BCL11A: variants seen among roughly 807,000 people sequenced by gnomAD.
The protein encoded by BCL11A is BCL11 transcription factor A.
Under a neutral mutation model 55.9 loss-of-function variants are expected in BCL11A, and 2 were observed. The ratio of observed to expected loss-of-function variants is 0.04; its 90% CI spans 0.01 to 0.11. The LOEUF is 0.11. Among genes scored for constraint, BCL11A ranks in the 10% least tolerant of loss-of-function variants. The pLI, the probability that BCL11A is intolerant of heterozygous loss-of-function variation, is 1.00. For synonymous variants in BCL11A, 465 were observed against 473.4 expected (o/e 0.98, Z 0.23); for missense variants, 817 against 1,137.1 (o/e 0.72, Z 4.05).
chr2:60,471,097 G>A (rs1336207941), intron 2 of BCL11A, among the ~76,000 whole-genome samples: 5 of 152,186 alleles, frequency 3.3e-5, no homozygotes, highest in East Asian at 1.9e-4. Context: ...CGTCTTGGGG[G>A]AGGGTCCAGC....
intron 2 of BCL11A, among the ~76,000 whole-genome samples, chr2:60,508,384 A>G (rs1420987020): frequency 1.3e-5 from 2 of 152,178 alleles, no homozygotes; most frequent in African/African-American, 2.4e-5. Flanking sequence ...CACAGGAGCA[A>G]GCACTGCAGC....
intron 2 of BCL11A, among the ~76,000 whole-genome samples, chr2:60,482,887 G>A (rs1678042216): frequency 6.6e-6 from 1 of 152,224 alleles, no homozygotes; most frequent in Non-Finnish European, 1.5e-5. Flanking sequence ...AGCAATAATT[G>A]ATAGCAGAGT....
intron 2 of BCL11A, chr2:60,525,790 G>A (rs1217273918): frequency 6.6e-6 from 1 of 152,208 alleles, no homozygotes; most frequent in East Asian, 1.9e-4. Flanking sequence ...AAAAGTCAAA[G>A]TTTGGTTCTG....
At chr2:60,453,706 G>A (rs749509347), downstream of BCL11A, among the ~76,000 whole-genome samples, 7 of 152,182 alleles carry the variant, frequency 4.6e-5, no homozygotes, top group Non-Finnish European at 8.8e-5. Context: ...AATAGACAAA[G>A]TATATCATGG....
At chr2:60,480,114 C>T (rs1430467083) in intron 2 of BCL11A, among the ~76,000 whole-genome samples, 1 of 152,160 alleles carries the variant, frequency 6.6e-6, no homozygotes, top group African/African-American at 2.4e-5. Flanking sequence ...GACTGCCCCA[C>T]TCTGCACCAA....
At chr2:60,518,661 A>G (rs1668841602) in intron 2 of BCL11A, among the ~76,000 whole-genome samples, 1 of 152,222 alleles carries the variant, frequency 6.6e-6, no homozygotes, top group East Asian at 1.9e-4. Flanking sequence ...AACCCAGCAG[A>G]GAACGTTGAG....
chr2:60,508,131 G>C (rs2104460627), intron 2 of BCL11A, among the ~76,000 whole-genome samples: 1 of 152,228 alleles, frequency 6.6e-6, no homozygotes, highest in East Asian at 1.9e-4. Flanking sequence ...AAAAGTAGTT[G>C]AGCAACAGCT....
intron 2 of BCL11A, chr2:60,524,523 A>G (rs1356590057): frequency 6.6e-6 from 1 of 151,334 alleles, no homozygotes; most frequent in Non-Finnish European, 1.5e-5. Flanking sequence ...TACCAGAGAT[A>G]GAAGAGCATG....
intron 2 of BCL11A, among the ~76,000 whole-genome samples, chr2:60,482,438 G>A (rs1678016212): frequency 6.6e-6 from 1 of 152,144 alleles, no homozygotes; most frequent in South Asian, 2.1e-4. Context: ...TTAGTTCCTG[G>A]GCACCAGGCA....
intron 2 of BCL11A, chr2:60,533,059 A>G (rs1669528229): frequency 6.6e-6 from 1 of 152,238 alleles, no homozygotes; most frequent in African/African-American, 2.4e-5. Flanking sequence ...ACTCCATATA[A>G]GCAGAAGTTT....
At chr2:60,542,953 C>G (rs568391580) in intron 2 of BCL11A, 1 of 149,928 alleles carries the variant, frequency 6.7e-6, no homozygotes. Flanking sequence ...TCGCTTGAAC[C>G]TAGGAGGCAG....
chr2:60,551,445 A>T (rs1334582625), intron 1 of BCL11A, among the ~76,000 whole-genome samples: 2 of 152,148 alleles, frequency 1.3e-5, no homozygotes, highest in East Asian at 3.9e-4. Context: ...CACCTGGCCT[A>T]GTCGTGCTCG....
chr2:60,455,707 A>C (rs1572941927), downstream of BCL11A, among the ~76,000 whole-genome samples: 1 of 152,240 alleles, frequency 6.6e-6, no homozygotes. Flanking sequence ...TGAGAAATTA[A>C]AATGAATACT....
intron 2 of BCL11A, among the ~76,000 whole-genome samples, chr2:60,531,307 A>G (rs1283697414): frequency 6.6e-6 from 1 of 152,204 alleles, no homozygotes; most frequent in Non-Finnish European, 1.5e-5. Context: ...ACACTAAACC[A>G]GAAAATAAAT....
rs756699731 is a variant in BCL11A, at chr2:60,553,482, CAAAAAAAAAAAA to C, written c.-224_-213del. The C allele has an allele frequency of 1.0e-3, 36 of 35,184 alleles. No individual in the cohort carries two copies. The South Asian group carries it at 0.011, about 11-fold the overall frequency. The allele number at this position is 35,184 out of a possible 1,614,324, so 2.2% of individuals were successfully genotyped here. The stretch of plus-strand genomic sequence containing the variant: ...AGAGCCGTCATGGCTTTTTTTTAAG[CAAAAAAAAAAAA>C]AAAAAAAAAAAAAAAAAGAGGGAGA... On this transcript the variant is annotated 5_prime_UTR_variant, in exon 1 of 4. Coordinates refer to ENST00000642384, the MANE Select transcript of BCL11A (RefSeq NM_022893.4).
In BCL11A at chr2:60,460,689, G is replaced by T. The variant is rs1191883781; in HGVS notation, c.2223C>A (p.Ser741Arg). The T allele has an allele frequency of 6.2e-7, 1 of 1,614,180 alleles. No homozygotes were observed. Residue 741 changes from serine (S) to arginine (R), a missense_variant, in exon 4 of 4, where the codon AGC becomes AGA. This residue lies in a region of BCL11A where 379 missense variants were observed against 425.3 expected (regional missense o/e 0.89). Transcript: ENST00000642384. ...CTTTCCCACAGTACTCACAAGTGTC[G>T]CTGCGTCTGCCCTCTTTTGAGCTGG... ...GRPSSKEGRR[S>R]DTCEYCGKVF...
At chr2:60,531,907 C>T in intron 2 of BCL11A, among the ~76,000 whole-genome samples, 1 of 152,130 alleles carries the variant, frequency 6.6e-6, no homozygotes, top group East Asian at 1.9e-4. Context: ...GGAAATAAGC[C>T]CACCTAAATG....
chr2:60,540,690 G>T (rs189788493), intron 2 of BCL11A, among the ~76,000 whole-genome samples: 42 of 152,192 alleles, frequency 2.8e-4, no homozygotes, highest in Admixed American at 5.9e-4. Context: ...TGAAATTAAT[G>T]ATTTTCCAGG....
intron 2 of BCL11A, among the ~76,000 whole-genome samples, chr2:60,494,921 G>A (rs375742371): frequency 2.0e-5 from 3 of 152,170 alleles, no homozygotes; most frequent in African/African-American, 7.2e-5. Context: ...GGGGAGGCAA[G>A]TCAGTTGGGA....
Sources: gnomAD v4.1 joint callset for allele counts (sites outside exome capture counted in the v4.1 genomes callset) on GRCh38, gnomAD v4.1.1 for gene constraint, gnomAD v4.1.1 regional missense constraint, MANE v1.5 for transcripts, NCBI Gene and HGNC (gene_info 2026-07-23, HGNC 2026-07-21) for gene names.